The following POU6F2 variants were observed in gnomAD, a reference collection of about 807,000 sequenced individuals.
The protein encoded by POU6F2 is POU domain, class 6, transcription factor 2.
POU6F2 carries 31 observed loss-of-function variants against 71.3 expected under a neutral mutation model. The observed-to-expected ratio is 0.43, with a 90% CI of 0.33 to 0.59. POU6F2 has a LOEUF of 0.59. Among genes scored for constraint, POU6F2 ranks in the 20% least tolerant of loss-of-function variants. The probability of loss-of-function intolerance (pLI) is 0.04; values close to 1 mark genes in which losing one functional copy is unlikely to be tolerated. For missense variants in POU6F2, 783 were observed against 856.8 expected (o/e 0.91, Z 1.07); for synonymous variants, 347 against 355.7 (o/e 0.98, Z 0.27).
intron 2 of POU6F2, among the ~76,000 whole-genome samples, chr7:39,200,362 G>A (rs7787883): frequency 0.83 from 126,309 of 152,186 alleles, 52,853 homozygotes; most frequent in East Asian, 1. Flanking sequence ...CAAATGATTC[G>A]CAGGCCTGGG....
chr7:39,046,450 T>C (rs1790293352), intron 1 of POU6F2, among the ~76,000 whole-genome samples: 1 of 151,922 alleles, frequency 6.6e-6, no homozygotes, highest in Non-Finnish European at 1.5e-5. Flanking sequence ...TTATTCATCT[T>C]AATAATCTTT....
intron 2 of POU6F2, among the ~76,000 whole-genome samples, chr7:39,091,250 G>C (rs1196648961): frequency 6.6e-6 from 1 of 152,138 alleles, no homozygotes; most frequent in African/African-American, 2.4e-5. Context: ...TTCAATGGGG[G>C]ACAGTGCACA....
intron 4 of POU6F2, among the ~76,000 whole-genome samples, chr7:39,242,485 T>C (rs2128751498): frequency 6.6e-6 from 1 of 152,270 alleles, no homozygotes; most frequent in Non-Finnish European, 1.5e-5. Context: ...CCATTTTTCT[T>C]GTACTTATTT....
intron 1 of POU6F2, among the ~76,000 whole-genome samples, chr7:39,081,725 G>A (rs1168734033): frequency 3.3e-5 from 5 of 152,184 alleles, no homozygotes; most frequent in Non-Finnish European, 1.5e-5. Flanking sequence ...CTGTAGGGAA[G>A]ATAATACTAC....
At chr7:39,459,767 A>G (rs1243290358) in intron 8 of POU6F2, among the ~76,000 whole-genome samples, 3 of 152,062 alleles carry the variant, frequency 2.0e-5, no homozygotes, top group African/African-American at 7.2e-5. Flanking sequence ...GTACGCTTTC[A>G]TTTATCCAGG....
At chr7:39,447,721 A>G (rs1005927206) in intron 7 of POU6F2, among the ~76,000 whole-genome samples, 1 of 152,248 alleles carries the variant, frequency 6.6e-6, no homozygotes. Flanking sequence ...CAGGAAGGAA[A>G]GGAAAGAAAC....
At chr7:39,238,810 G>A (rs1794723341) in intron 4 of POU6F2, among the ~76,000 whole-genome samples, 1 of 152,128 alleles carries the variant, frequency 6.6e-6, no homozygotes, top group African/African-American at 2.4e-5. Context: ...GAGGAAAATG[G>A]GTGAATACGT....
At position 39,090,287 on chromosome 7, in the gene POU6F2, T is replaced by C. The variant is rs552631294; in HGVS notation, c.277+4256T>C. Reference sequence around the variant, plus strand: ...ACAGAAACATGCATTATAAGATTTTTTTCTTTCAAATTGCCATCCAGTTTG... The same window carrying C: ...ACAGAAACATGCATTATAAGATTTTCTTCTTTCAAATTGCCATCCAGTTTG... On this transcript the variant is annotated intron_variant, in intron 2 of 9. Transcript: ENST00000518318. Among the ~76,000 whole-genome samples, 113 of 152,290 alleles carry C rather than the reference T, an allele frequency of 7.4e-4. 1 individual carries two copies. The highest frequency in any genetic ancestry group is 3.4e-3 in the Middle Eastern group (1 of 294).
intron 1 of POU6F2, among the ~76,000 whole-genome samples, chr7:39,042,578 G>T (rs531378560): frequency 6.6e-6 from 1 of 152,094 alleles, no homozygotes; most frequent in African/African-American, 2.4e-5. Flanking sequence ...GTTTTAAGAT[G>T]CTGAGATTTT....
At chr7:39,406,860 T>C (rs1172563183) in intron 6 of POU6F2, 120 bp downstream of exon 6, 3 of 1,349,400 alleles carry the variant, frequency 2.2e-6, no homozygotes, top group South Asian at 2.4e-5. Flanking sequence ...ATAAATAATG[T>C]TTACTAGCAA....
intron 6 of POU6F2, among the ~76,000 whole-genome samples, chr7:39,408,804 G>A (rs570757452): frequency 1.3e-5 from 2 of 152,314 alleles, no homozygotes; most frequent in African/African-American, 4.8e-5. Context: ...CCATATTCAT[G>A]TAGTGATATG....
chr7:39,174,227 T>C (rs1793282675), intron 2 of POU6F2, among the ~76,000 whole-genome samples: 1 of 152,170 alleles, frequency 6.6e-6, no homozygotes. Context: ...CAGATAATGC[T>C]GTATGAAAGG....
intron 2 of POU6F2, among the ~76,000 whole-genome samples, chr7:39,092,214 A>C (rs1279379502): frequency 6.6e-6 from 1 of 152,162 alleles, no homozygotes; most frequent in Non-Finnish European, 1.5e-5. Context: ...CAGGTTAATA[A>C]ATTTTTAAAA....
chr7:39,174,882 C>A (rs1793297681), intron 2 of POU6F2, among the ~76,000 whole-genome samples: 1 of 152,204 alleles, frequency 6.6e-6, no homozygotes, highest in African/African-American at 2.4e-5. Context: ...ACTCCTCAAG[C>A]CCCTGTGATC....
chr7:39,137,772 C>T (rs781309369), intron 2 of POU6F2, among the ~76,000 whole-genome samples: 16 of 152,060 alleles, frequency 1.1e-4, no homozygotes, highest in Non-Finnish European at 2.2e-4. Flanking sequence ...CTTTATAATC[C>T]CATACTTTAC....
chr7:39,216,253 T>G (rs1794240996), intron 4 of POU6F2, among the ~76,000 whole-genome samples: 1 of 152,240 alleles, frequency 6.6e-6, no homozygotes, highest in Non-Finnish European at 1.5e-5. Context: ...ACTTAGGTGA[T>G]TCTTTCCAAC....
At chr7:39,262,352 C>T (rs1298963535) in intron 4 of POU6F2, among the ~76,000 whole-genome samples, 2 of 152,144 alleles carry the variant, frequency 1.3e-5, no homozygotes, top group Non-Finnish European at 2.9e-5. Flanking sequence ...ATAGTCACAG[C>T]GGCTGGAGAT....
At chr7:39,433,402 T>C in intron 7 of POU6F2, 119 bp downstream of exon 7, 2 of 1,075,672 alleles carry the variant, frequency 1.9e-6, no homozygotes, top group Admixed American at 2.5e-5. Context: ...ATCTCACTCA[T>C]CTGAACATAT....
chr7:39,082,904 A>G (rs1384188800), intron 1 of POU6F2, among the ~76,000 whole-genome samples: 1 of 152,152 alleles, frequency 6.6e-6, no homozygotes, highest in African/African-American at 2.4e-5. Context: ...AAAAAATTAA[A>G]TGAGTACTTG....
Sources: gnomAD v4.1 joint callset for allele counts (sites outside exome capture counted in the v4.1 genomes callset) on GRCh38, gnomAD v4.1.1 for gene constraint, MANE v1.5 for transcripts, NCBI Gene and HGNC (gene_info 2026-07-23, HGNC 2026-07-21) for gene names.